Variants in CAMK1D observed in about 807,000 individuals in gnomAD.
CAMK1D encodes calcium/calmodulin dependent protein kinase ID.
Under a neutral mutation model 47.7 loss-of-function variants are expected in CAMK1D, and 9 were observed. The observed-to-expected ratio is 0.19, with a 90% CI of 0.11 to 0.33. CAMK1D has a LOEUF of 0.33. Among genes scored for constraint, CAMK1D ranks in the 10% least tolerant of loss-of-function variants. The probability of loss-of-function intolerance (pLI) is 1.00; values close to 1 mark genes in which losing one functional copy is unlikely to be tolerated. For synonymous variants in CAMK1D, 184 were observed against 184.9 expected, an observed-to-expected ratio of 0.99 and a Z score of 0.04; for missense variants, 291 against 488.7, an observed-to-expected ratio of 0.60 and a Z score of 3.81.
At chr10:12,415,472 T>A (rs1328464008) in intron 1 of CAMK1D, among the ~76,000 whole-genome samples, 2 of 146,350 alleles carry the variant, frequency 1.4e-5, no homozygotes, top group African/African-American at 5.0e-5. Flanking sequence ...TTTTTTTTTT[T>A]TTTTTTTAGT....
intron 2 of CAMK1D, among the ~76,000 whole-genome samples, chr10:12,554,929 G>C (rs1417422892): frequency 6.6e-6 from 1 of 152,176 alleles, no homozygotes; most frequent in African/African-American, 2.4e-5. Context: ...ACACTGTCAT[G>C]ATTAAGCCAT....
chr10:12,490,722 G>A (rs935261749), intron 1 of CAMK1D, among the ~76,000 whole-genome samples: 1 of 152,186 alleles, frequency 6.6e-6, no homozygotes, highest in Admixed American at 6.5e-5. Context: ...GCACATGCCT[G>A]TAATCGCAGC....
intron 8 of CAMK1D, among the ~76,000 whole-genome samples, chr10:12,821,124 A>T (rs1021193256): frequency 1.3e-5 from 2 of 152,160 alleles, no homozygotes; most frequent in Admixed American, 1.3e-4. Flanking sequence ...GGAAGAGCTG[A>T]TGTTGCAGCT....
chr10:12,612,185 C>G (rs906618391), intron 2 of CAMK1D, among the ~76,000 whole-genome samples: 4 of 152,078 alleles, frequency 2.6e-5, no homozygotes, highest in African/African-American at 9.7e-5. Flanking sequence ...TTCCAAAACT[C>G]CAGCCTGGAA....
rs1384947208 is a variant in CAMK1D, at chr10:12,443,826, C to T, written c.92+93916C>T. Among the ~76,000 whole-genome samples, 9 of 152,214 alleles carry T rather than the reference C, an allele frequency of 5.9e-5. No individual in the cohort carries two copies. The East Asian group carries it at 1.5e-3, about 26-fold the overall frequency. The stretch of plus-strand genomic sequence containing the variant: ...TGTATTTTCAGTAGAGACGGAGTTT[C>T]ACCATGTTGGCCAGGATGGTCTCGA... On this transcript the variant is annotated intron_variant, in intron 1 of 10. Coordinates refer to ENST00000619168, the MANE Select transcript of CAMK1D (RefSeq NM_153498.4).
Position 12,414,856 on chromosome 10 carries a change from G to C in CAMK1D, c.92+64946G>C, listed in dbSNP as rs78831184. On this transcript the variant is annotated intron_variant, in intron 1 of 10. Transcript: ENST00000619168. ...ACATAGTTTTATTTGAGGTTTTTCA[G>C]ATCTTGCTTGATGGCCAAATTCAGT... Among the ~76,000 whole-genome samples the C allele has an allele frequency of 4.3e-3, 652 of 152,206 alleles. 6 individuals carry two copies. The East Asian group carries it at 0.062, about 14-fold the overall frequency.
intron 2 of CAMK1D, among the ~76,000 whole-genome samples, chr10:12,565,779 A>G (rs1837104824): frequency 6.6e-6 from 1 of 152,202 alleles, no homozygotes; most frequent in East Asian, 1.9e-4. Flanking sequence ...AACTGGTAAT[A>G]TGTGGAGAGG....
At chr10:12,504,153 T>C (rs76065140) in intron 1 of CAMK1D, among the ~76,000 whole-genome samples, 1,534 of 145,872 alleles carry the variant, frequency 0.011, 23 homozygotes, top group African/African-American at 0.038. Flanking sequence ...GTGTGTGTGA[T>C]GTATGTAATA....
chr10:12,404,943 C>A (rs1007510458), intron 1 of CAMK1D, among the ~76,000 whole-genome samples: 6 of 152,198 alleles, frequency 3.9e-5, no homozygotes, highest in Admixed American at 1.3e-4. Flanking sequence ...CCTCAGCCTC[C>A]CAAAGTGCTG....
At chr10:12,706,934 G>A (rs931812025) in intron 3 of CAMK1D, among the ~76,000 whole-genome samples, 2 of 152,162 alleles carry the variant, frequency 1.3e-5, no homozygotes, top group East Asian at 1.9e-4. Flanking sequence ...GGTGGGACGT[G>A]CTAGAATAGA....
At chr10:12,571,643 C>G (rs888911060) in intron 2 of CAMK1D, among the ~76,000 whole-genome samples, 2 of 151,952 alleles carry the variant, frequency 1.3e-5, no homozygotes, top group Admixed American at 6.6e-5. Flanking sequence ...CTATTCTGTT[C>G]CCCAGTAGCA....
intron 5 of CAMK1D, among the ~76,000 whole-genome samples, chr10:12,776,833 C>T (rs952496636): frequency 1.2e-4 from 18 of 152,250 alleles, no homozygotes; most frequent in East Asian, 5.8e-4. Context: ...GTGAAAAACA[C>T]GACACCAAAT....
intron 2 of CAMK1D, among the ~76,000 whole-genome samples, chr10:12,605,452 G>A (rs76380918): frequency 6.6e-6 from 1 of 151,778 alleles, no homozygotes; most frequent in South Asian, 2.1e-4. Context: ...ATTTGCATCC[G>A]TGCCATCTTC....
At chr10:12,614,074 G>C (rs934368344) in intron 2 of CAMK1D, among the ~76,000 whole-genome samples, 3 of 152,138 alleles carry the variant, frequency 2.0e-5, no homozygotes, top group Non-Finnish European at 4.4e-5. Context: ...AGGTAGGATA[G>C]GGTGATGTTA....
At chr10:12,691,142 C>T (rs1341637808) in intron 3 of CAMK1D, among the ~76,000 whole-genome samples, 2 of 152,024 alleles carry the variant, frequency 1.3e-5, no homozygotes, top group African/African-American at 4.8e-5. Context: ...CTTTCTTTCC[C>T]TCAACTTACT....
At chr10:12,379,476 G>C (rs1463383222) in intron 1 of CAMK1D, among the ~76,000 whole-genome samples, 1 of 152,214 alleles carries the variant, frequency 6.6e-6, no homozygotes, top group African/African-American at 2.4e-5. Context: ...TTTGGGGCCA[G>C]TCTTGGTGGC....
chr10:12,613,049 G>T (rs1014884599), intron 2 of CAMK1D, among the ~76,000 whole-genome samples: 2 of 152,080 alleles, frequency 1.3e-5, no homozygotes, highest in African/African-American at 4.8e-5. Flanking sequence ...CAGGAATAAA[G>T]GTAGTTGAAG....
At chr10:12,352,985 C>T (rs1837397677) in intron 1 of CAMK1D, among the ~76,000 whole-genome samples, 1 of 152,108 alleles carries the variant, frequency 6.6e-6, no homozygotes, top group Non-Finnish European at 1.5e-5. Flanking sequence ...GATCCGCCTG[C>T]CTCGGCCTCC....
At chr10:12,363,670 T>G (rs999330736) in intron 1 of CAMK1D, among the ~76,000 whole-genome samples, 19 of 150,940 alleles carry the variant, frequency 1.3e-4, no homozygotes, top group Admixed American at 4.0e-4. Flanking sequence ...CTAAGGTTTT[T>G]TTTTTTTTTT....
Sources: allele counts gnomAD v4.1 joint callset (sites outside exome capture counted in the v4.1 genomes callset), GRCh38; gene constraint gnomAD v4.1.1; transcripts MANE v1.5; gene names NCBI Gene and HGNC (gene_info 2026-07-23, HGNC 2026-07-21).